YWHAQ: variants seen among roughly 807,000 people sequenced by gnomAD.
YWHAQ encodes 14-3-3 protein theta.
Under a neutral mutation model 28.3 loss-of-function variants are expected in YWHAQ, and 6 were observed. The observed-to-expected ratio is 0.21, with a 90% CI of 0.12 to 0.42. The LOEUF (loss-of-function observed/expected upper bound fraction) is 0.42. Ranked by LOEUF, YWHAQ falls within the 10% of genes least tolerant of loss-of-function variation. The probability of loss-of-function intolerance (pLI) is 1.00; values close to 1 mark genes in which losing one functional copy is unlikely to be tolerated. For synonymous variants in YWHAQ, 143 were observed against 119.1 expected, an observed-to-expected ratio of 1.20 and a Z score of -1.31; for missense variants, 201 against 305.6, an observed-to-expected ratio of 0.66 and a Z score of 2.55.
intron 2 of YWHAQ, among the ~76,000 whole-genome samples, chr2:9,611,234 T>C (rs1480006040): frequency 6.6e-6 from 1 of 152,196 alleles, no homozygotes; most frequent in Non-Finnish European, 1.5e-5. Context: ...CATTCAACAT[T>C]TGAGCAGCAT....
intron 2 of YWHAQ, among the ~76,000 whole-genome samples, chr2:9,613,389 C>T (rs186618656): frequency 6.6e-5 from 10 of 152,274 alleles, no homozygotes; most frequent in Admixed American, 5.9e-4. Flanking sequence ...GTCATGATGT[C>T]AGAGAATATG....
chr2:9,597,634 C>CAAAAAAAAAAAAAAAAAAA (rs562319001), intron 2 of YWHAQ, among the ~76,000 whole-genome samples: 2 of 75,318 alleles, frequency 2.7e-5, no homozygotes, highest in African/African-American at 8.7e-5. Flanking sequence ...AACTCCGTCT[C>CAAAAAAAAAAAAAAAAAAA]AAAAAAAAAA....
At chr2:9,612,942 CCAA>C (rs1666978699) in intron 2 of YWHAQ, among the ~76,000 whole-genome samples, 1 of 152,134 alleles carries the variant, frequency 6.6e-6, no homozygotes, top group Non-Finnish European at 1.5e-5. Context: ...TGTACATTTA[CCAA>C]CAAACAATAA....
intron 2 of YWHAQ, among the ~76,000 whole-genome samples, chr2:9,619,713 C>CA (rs1409970361): frequency 1.3e-5 from 2 of 152,144 alleles, no homozygotes; most frequent in African/African-American, 4.8e-5. Context: ...ACCAAATAAT[C>CA]AAGAGTATTT....
intron 2 of YWHAQ, among the ~76,000 whole-genome samples, chr2:9,607,028 G>A (rs926492481): frequency 6.6e-6 from 1 of 151,312 alleles, no homozygotes. Context: ...GGGATTACAC[G>A]TGCGCGACAC....
At chr2:9,619,137 T>C (rs1291827461) in intron 2 of YWHAQ, among the ~76,000 whole-genome samples, 1 of 152,200 alleles carries the variant, frequency 6.6e-6, no homozygotes, top group Admixed American at 6.5e-5. Context: ...TACAGTAGTT[T>C]CATCAATAGC....
Position 9,584,261 on chromosome 2 carries a change from A to G in YWHAQ, c.*1025T>C, listed in dbSNP as rs1022589377. 1 of 152,668 alleles carries G rather than the reference A, an allele frequency of 6.6e-6. No individual in the cohort carries two copies. Among genetic ancestry groups the G allele is most frequent in the Non-Finnish European group, 1.5e-5 (1 of 68,044 alleles). The allele number at this position is 152,668 out of a possible 1,614,324, so 9.5% of individuals were successfully genotyped here. ...GGGTATGCAATTGTTACAAAGCCAT[A>G]GTAAATGGTTTATAAAATGTACTTT... is the stretch of plus-strand genomic sequence containing the variant. On this transcript the variant is annotated 3_prime_UTR_variant, in exon 6 of 6. Coordinates refer to ENST00000238081, the MANE Select transcript of YWHAQ (RefSeq NM_006826.4).
At chr2:9,589,480 A>G (rs1447633950) in intron 3 of YWHAQ, among the ~76,000 whole-genome samples, 1 of 152,146 alleles carries the variant, frequency 6.6e-6, no homozygotes, top group Admixed American at 6.6e-5. Context: ...GCTACTTGGG[A>G]GGCTAGGCAC....
At chr2:9,626,083 G>C (rs761879325) in intron 2 of YWHAQ, among the ~76,000 whole-genome samples, 25 of 152,168 alleles carry the variant, frequency 1.6e-4, no homozygotes, top group Non-Finnish European at 3.1e-4. Flanking sequence ...CACTAAGACA[G>C]ACAACTTCCA....
intron 2 of YWHAQ, among the ~76,000 whole-genome samples, chr2:9,610,808 T>A (rs547647344): frequency 1.3e-5 from 2 of 152,150 alleles, no homozygotes; most frequent in Admixed American, 6.6e-5. Flanking sequence ...GCACCCTGCC[T>A]ACTCATTTTT....
chr2:9,617,239 G>C (rs1000181487), intron 2 of YWHAQ, among the ~76,000 whole-genome samples: 5 of 151,904 alleles, frequency 3.3e-5, no homozygotes, highest in Non-Finnish European at 7.4e-5. Context: ...TGTGATTACA[G>C]GTGTGAGCCA....
chr2:9,630,061 C>A lies in YWHAQ; in HGVS notation c.294+98G>T. 1 of 1,496,774 alleles carries A rather than the reference C, an allele frequency of 6.7e-7. No individual in the cohort carries two copies. The highest frequency in any genetic ancestry group is 9.0e-7 in the Non-Finnish European group (1 of 1,105,300). The allele number at this position is 1,496,774 out of a possible 1,614,324, so 92.7% of individuals were successfully genotyped here. On this transcript the variant is annotated intron_variant, in intron 2 of 5. Coordinates refer to ENST00000238081, the MANE Select transcript of YWHAQ (RefSeq NM_006826.4). The surrounding 1 kb of genome is among the most constrained non-coding windows in gnomAD (Gnocchi z 5.6). ...AAACCCTCCACCCCAGCAGACAGTC[C>A]GGCAAGCCCCGGCTCACGTTTGTTT...
At position 9,630,534 on chromosome 2, in the gene YWHAQ, G is replaced by A. The variant is rs1667349514; in HGVS notation, c.-82C>T. ...ACCCGCAGCGGGAGGAGCCTCGAGA[G>A]CTGCGGAGGGGCGGGGCGGCGAGGC... On this transcript the variant is annotated splice_region_variant and 5_prime_UTR_variant, in exon 2 of 6. Transcript: ENST00000238081. This position sits in a 1 kb window ranked among gnomAD's most constrained non-coding sequence, Gnocchi z 5.6. 3.0e-6 allele frequency: 4 copies of A among 1,349,124 alleles called. No homozygotes were observed. Among genetic ancestry groups the A allele is most frequent in the African/African-American group, 2.9e-5 (2 of 68,302 alleles). 83.6% of individuals were successfully genotyped at this position (1,349,124 alleles called of 1,614,324 possible).
In YWHAQ at chr2:9,600,553, A is replaced by G. The variant is rs142787434; in HGVS notation, c.295-9038T>C. Among the ~76,000 whole-genome samples, 227 of 152,114 alleles carry G rather than the reference A, an allele frequency of 1.5e-3. 1 individual carries two copies. The highest frequency in any genetic ancestry group is 5.3e-3 in the African/African-American group (220 of 41,474). Reference sequence around the variant, plus strand: ...AAACCCCATCTCTACTAAAAATACAAAATTAGTTGGGTGTGGTGGTGCATG... The same window carrying G: ...AAACCCCATCTCTACTAAAAATACAGAATTAGTTGGGTGTGGTGGTGCATG... On this transcript the variant is annotated intron_variant, in intron 2 of 5. Coordinates refer to ENST00000238081, the MANE Select transcript of YWHAQ (RefSeq NM_006826.4).
In YWHAQ at chr2:9,630,365, T is replaced by C. The variant is rs1445424650; in HGVS notation, c.88A>G (p.Thr30Ala). The C allele has an allele frequency of 6.2e-7, 1 of 1,614,096 alleles. No individual in the cohort carries two copies. Among genetic ancestry groups the C allele is most frequent in the South Asian group, 1.1e-5 (1 of 91,080 alleles). Reference sequence around the variant, plus strand: ...TTGGACAGCTCGGCGCCCTGCTCGGTCACTGCCTTCATGCAGGTGGCCATG... The same window carrying C: ...TTGGACAGCTCGGCGCCCTGCTCGGCCACTGCCTTCATGCAGGTGGCCATG... ...DDMATCMKAV[T>A]EQGAELSNEE... is the part of the protein sequence containing the mutation. Residue 30 changes from threonine (T) to alanine (A), a missense_variant, in exon 2 of 6, where the codon ACC (threonine) becomes GCC (alanine). This residue lies in a region of YWHAQ where 162 missense variants were observed against 213.9 expected (regional missense o/e 0.76). Transcript: ENST00000238081. This position sits in a 1 kb window ranked among gnomAD's most constrained non-coding sequence, Gnocchi z 5.6.
chr2:9,586,398 G>C (rs917924934), intron 5 of YWHAQ, among the ~76,000 whole-genome samples: 1 of 152,088 alleles, frequency 6.6e-6, no homozygotes, highest in East Asian at 1.9e-4. Context: ...ATAATCCTTA[G>C]ATTATTATGA....
In YWHAQ at chr2:9,588,333, G is replaced by A. The variant is rs1209598055; in HGVS notation, c.419-5C>T. 6.2e-7 allele frequency: 1 copy of A among 1,603,480 alleles called. No homozygotes were observed. The highest frequency in any genetic ancestry group is 1.4e-5 in the African/African-American group (1 of 73,920). ...CTTGGGAATTATCTATCGTTTCTGT[G>A]AAGAGCGAAAAATAAGAAGTGCAAT... On this transcript the variant is annotated splice_polypyrimidine_tract_variant and splice_region_variant and intron_variant, in intron 3 of 5. Transcript: ENST00000238081.
At chr2:9,595,239 T>C (rs187073400) in intron 2 of YWHAQ, among the ~76,000 whole-genome samples, 27 of 152,366 alleles carry the variant, frequency 1.8e-4, no homozygotes, top group Admixed American at 1.7e-3. Flanking sequence ...GTCTGCTTCA[T>C]GTCTTTCCCA....
intron 2 of YWHAQ, among the ~76,000 whole-genome samples, chr2:9,598,341 A>G (rs1249185097): frequency 6.6e-6 from 1 of 152,216 alleles, no homozygotes; most frequent in African/African-American, 2.4e-5. Context: ...CTGGAGTAGT[A>G]AAGTGACCAT....
Sources: gnomAD v4.1 joint callset for allele counts (sites outside exome capture counted in the v4.1 genomes callset) on GRCh38, gnomAD v4.1.1 for gene constraint, gnomAD v4.1.1 regional missense constraint, Gnocchi (gnomAD v3.1) non-coding constraint, MANE v1.5 for transcripts, NCBI Gene and HGNC (gene_info 2026-07-23, HGNC 2026-07-21) for gene names.